GAB4: variants seen among roughly 807,000 people sequenced by gnomAD.
GAB4 encodes the protein GRB2-associated-binding protein 4.
In GAB4, 26 loss-of-function variants were observed where a neutral mutation model predicts 51.3. The ratio of observed to expected loss-of-function variants is 0.51; its 90% CI spans 0.37 to 0.70. GAB4 has a LOEUF of 0.70. Ranked by LOEUF, GAB4 falls within the 30% of genes least tolerant of loss-of-function variation. The pLI is 0.00. For synonymous variants in GAB4, 329 were observed against 291.2 expected (o/e 1.13, Z -1.32); for missense variants, 759 against 734.6 (o/e 1.03, Z -0.38).
chr22:16,964,749 G>A lies in GAB4; in HGVS notation c.1476+17C>T, dbSNP rs1430801142. ...GGGACTCTGATAGGAGCCTTACAGT[G>A]ACCCCCAAGGACTCACCGGGAAAAG... On this transcript the variant is annotated intron_variant, in intron 8 of 9. Transcript: ENST00000400588. 6.4e-7 allele frequency: 1 copy of A among 1,567,312 alleles called. No homozygotes were observed. The highest frequency in any genetic ancestry group is 1.4e-5 in the African/African-American group (1 of 73,268).
rs779611058 is a variant in GAB4 at position 16,970,091 on chromosome 22, G to A, written c.789C>T (p.Val263=). 1.9e-6 allele frequency: 3 copies of A among 1,614,182 alleles called. No homozygotes were observed. In the Admixed American group the frequency reaches 5.0e-5, roughly 27 times the overall value. The change falls in exon 4 of 10, where the codon GTC becomes GTT. Residue 263 remains valine, a synonymous_variant. Transcript: ENST00000400588. Reference sequence around the variant, plus strand: ...TATGGAAGCCATGGATGTGACCGCTGACCCCATCAACACTGTATCCACTGT... The same window carrying A: ...TATGGAAGCCATGGATGTGACCGCTAACCCCATCAACACTGTATCCACTGT... ...AQHSGYSVDG[V]SGHIHGFHSL... is the part of the protein sequence containing the mutation.
At chr22:16,976,204 A>G (rs113812253) in intron 3 of GAB4, among the ~76,000 whole-genome samples, 3,364 of 152,336 alleles carry the variant, frequency 0.022, 59 homozygotes, top group Middle Eastern at 0.068. Context: ...GCTTCAGCAG[A>G]TGGGTAATAA....
rs61740195 is a variant in GAB4, at chr22:16,966,146, C to A, written c.1242G>T (p.Glu414Asp). The change falls in exon 6 of 10, where the codon GAG becomes GAT. Residue 414 changes from glutamate (E) to aspartate (D), a missense_variant. Physicochemically the swap from Glu to Asp is conservative, Grantham distance 45. Coordinates refer to ENST00000400588, the MANE Select transcript of GAB4 (RefSeq NM_001037814.1). ...TGCGGTTGACAGGGGGCAGCTGGACCTCATGTCCCTGGCTGAGGTCTTGGT... is the reference window on the plus strand; with the variant it reads ...TGCGGTTGACAGGGGGCAGCTGGACATCATGTCCCTGGCTGAGGTCTTGGT... ...SMHQDLSQGH[E>D]VQLPPVNRSL... The A allele has an allele frequency of 3.7e-6, 6 of 1,613,934 alleles. No homozygotes were observed. The African/African-American group carries it at 8.0e-5, about 22-fold the overall frequency.
At chr22:16,981,747 T>C (rs2060829055) in intron 3 of GAB4, among the ~76,000 whole-genome samples, 1 of 152,170 alleles carries the variant, frequency 6.6e-6, no homozygotes, top group South Asian at 2.1e-4. Flanking sequence ...GAGGATGGAA[T>C]ACTTCTAAAC....
chr22:16,963,541 C>T (rs992295994), intron 9 of GAB4, among the ~76,000 whole-genome samples, 184 bp downstream of exon 9: 6 of 152,120 alleles, frequency 3.9e-5, no homozygotes, highest in Non-Finnish European at 8.8e-5. Flanking sequence ...GAAGGCACCA[C>T]GCTGAGAGGG....
chr22:17,003,131 C>A (rs2061011181), intron 1 of GAB4, among the ~76,000 whole-genome samples: 1 of 152,196 alleles, frequency 6.6e-6, no homozygotes, highest in South Asian at 2.1e-4. Flanking sequence ...GAAGAGCTAA[C>A]TACCCTAAAT....
At chr22:16,987,183 TA>T (rs1185262512) in intron 3 of GAB4, among the ~76,000 whole-genome samples, 4 of 152,244 alleles carry the variant, frequency 2.6e-5, no homozygotes, top group Admixed American at 6.5e-5. Context: ...TAGGTATTTC[TA>T]AACTAACAAA....
intron 3 of GAB4, among the ~76,000 whole-genome samples, chr22:16,979,199 G>T (rs2060806247): frequency 6.6e-6 from 1 of 152,156 alleles, no homozygotes; most frequent in Non-Finnish European, 1.5e-5. Flanking sequence ...TCAAGAGAAA[G>T]AAATAAAGGG....
chr22:16,999,270 T>C (rs1301723608), intron 1 of GAB4, among the ~76,000 whole-genome samples: 2 of 152,256 alleles, frequency 1.3e-5, no homozygotes, highest in East Asian at 1.9e-4. Flanking sequence ...CATCTGGTCC[T>C]GGACTTTCTT....
chr22:16,984,416 A>T (rs1183667009), intron 3 of GAB4, among the ~76,000 whole-genome samples: 1 of 152,222 alleles, frequency 6.6e-6, no homozygotes, highest in African/African-American at 2.4e-5. Flanking sequence ...TAAAACTAGA[A>T]CTACCATATG....
At chr22:16,997,263 G>A (rs1253273482) in intron 1 of GAB4, among the ~76,000 whole-genome samples, 1 of 152,218 alleles carries the variant, frequency 6.6e-6, no homozygotes, top group Admixed American at 6.5e-5. Flanking sequence ...CCCACCAACA[G>A]TGTAAAAGCC....
intron 8 of GAB4, among the ~76,000 whole-genome samples, chr22:16,964,438 T>C (rs1455481439): frequency 6.6e-6 from 1 of 152,194 alleles, no homozygotes; most frequent in Admixed American, 6.5e-5. Flanking sequence ...GGGTGAAGCA[T>C]GTACATGTGT....
At chr22:16,985,099 G>A (rs1021471676) in intron 3 of GAB4, among the ~76,000 whole-genome samples, 5 of 152,198 alleles carry the variant, frequency 3.3e-5, no homozygotes, top group African/African-American at 1.2e-4. Flanking sequence ...GCTGTGATCT[G>A]GGAATGATAT....
rs547632337 is a variant in GAB4 at position 16,964,747 on chromosome 22, G to A, written c.1476+19C>T. On this transcript the variant is annotated intron_variant, in intron 8 of 9. Transcript: ENST00000400588. ...AGGGGACTCTGATAGGAGCCTTACA[G>A]TGACCCCCAAGGACTCACCGGGAAA... 2 of 1,567,364 alleles carry A rather than the reference G, an allele frequency of 1.3e-6. No homozygotes were observed. The highest frequency in any genetic ancestry group is 1.4e-5 in the African/African-American group (1 of 73,440).
intron 2 of GAB4, among the ~76,000 whole-genome samples, chr22:16,990,892 T>G (rs1405011412): frequency 1.3e-5 from 2 of 152,166 alleles, no homozygotes; most frequent in Admixed American, 6.5e-5. Context: ...AAGAATGAAT[T>G]ACTTACTGAC....
intron 1 of GAB4, among the ~76,000 whole-genome samples, chr22:16,995,752 C>G (rs2060945077): frequency 6.6e-6 from 1 of 152,162 alleles, no homozygotes; most frequent in Non-Finnish European, 1.5e-5. Context: ...AAACAGAAAG[C>G]AATAGCACCA....
chr22:17,001,861 G>A (rs918747454), intron 1 of GAB4, among the ~76,000 whole-genome samples: 2 of 152,172 alleles, frequency 1.3e-5, no homozygotes, highest in African/African-American at 4.8e-5. Context: ...CCTCAGCAAT[G>A]GTGGGTGCCC....
chr22:16,984,594 G>T (rs2060852779), intron 3 of GAB4, among the ~76,000 whole-genome samples: 1 of 152,054 alleles, frequency 6.6e-6, no homozygotes. Context: ...TAGACTGTGG[G>T]TTGCCATAAT....
rs771700254 is a variant in GAB4, at chr22:17,007,909, G to T, written c.174+32C>A. ...CCGGAGTCCCCAGACCCTCCGTGGC[G>T]CTCCTGGTACCGCCCCCACTGCCCC... On this transcript the variant is annotated intron_variant, in intron 1 of 9. Coordinates refer to ENST00000400588, the MANE Select transcript of GAB4 (RefSeq NM_001037814.1). 9 of 1,504,058 alleles carry T rather than the reference G, an allele frequency of 6.0e-6. No homozygotes were observed. The Admixed American group carries it at 1.9e-4, about 31-fold the overall frequency. 93.2% of individuals were successfully genotyped at this position (1,504,058 alleles called of 1,614,324 possible).
Sources: allele counts gnomAD v4.1 joint callset (sites outside exome capture counted in the v4.1 genomes callset), GRCh38; gene constraint gnomAD v4.1.1; transcripts MANE v1.5; gene names NCBI Gene and HGNC (gene_info 2026-07-23, HGNC 2026-07-21).